RNPEPL1: variants seen among roughly 807,000 people sequenced by gnomAD.
RNPEPL1 encodes the protein aminopeptidase RNPEPL1.
Under a neutral mutation model 69.0 loss-of-function variants are expected in RNPEPL1, and 46 were observed. The observed-to-expected ratio is 0.67, with a 90% confidence interval of 0.53 to 0.85. RNPEPL1 has a LOEUF of 0.85. RNPEPL1 is among the 40% of genes least tolerant of loss of function. RNPEPL1 has a pLI of 0.00. For synonymous variants in RNPEPL1, 525 were observed against 454.1 expected, an observed-to-expected ratio of 1.16 and a Z score of -1.98; for missense variants, 869 against 992.5, an observed-to-expected ratio of 0.88 and a Z score of 1.67.
rs2125449795 is a variant in RNPEPL1, at chr2:240,574,410, A to C, written c.1174+62A>C. ...CCTGGGCACTGGTCCAGGGGCAGAG[A>C]GCCTAGCCTGGCCCCCCTGCCATGC... On this transcript the variant is annotated intron_variant, in intron 5 of 10. Transcript: ENST00000270357. 5.1e-6 allele frequency: 8 copies of C among 1,557,882 alleles called. No individual in the cohort carries two copies. The East Asian group carries it at 1.9e-4, about 36-fold the overall frequency.
intron 1 of RNPEPL1, among the ~76,000 whole-genome samples, chr2:240,569,809 C>T (rs1024022040): frequency 1.3e-5 from 2 of 152,206 alleles, no homozygotes; most frequent in Admixed American, 1.3e-4. Flanking sequence ...ACATGTGACA[C>T]CCGACATATG....
chr2:240,575,552 G>T lies in RNPEPL1; in HGVS notation c.1452G>T (p.Leu484=). 6.2e-7 allele frequency: 1 copy of T among 1,613,556 alleles called. No homozygotes were observed. ...CCAGCGTGGTGGCCCAGGACCTGCT[G>T]GACTCCTTCCTGAGCTTCTTCCCGG... ...KFTSVVAQDL[L]DSFLSFFPEL... The change falls in exon 8 of 11, where the codon CTG becomes CTT. Residue 484 remains leucine, a synonymous_variant. Coordinates refer to ENST00000270357, the MANE Select transcript of RNPEPL1 (RefSeq NM_018226.6).
At chr2:240,570,279 G>A (rs971088970) in intron 1 of RNPEPL1, among the ~76,000 whole-genome samples, 5 of 152,222 alleles carry the variant, frequency 3.3e-5, no homozygotes, top group African/African-American at 1.2e-4. Context: ...GAGCAAGGGT[G>A]GCCATTGTCT....
chr2:240,577,262 C>G (rs2093040473), intron 10 of RNPEPL1, among the ~76,000 whole-genome samples: 1 of 152,200 alleles, frequency 6.6e-6, no homozygotes, highest in African/African-American at 2.4e-5. Flanking sequence ...CTGCTGGGCC[C>G]TGGGCCTTCA....
Position 240,577,892 on chromosome 2 carries a change from G to A in RNPEPL1, c.2178G>A (p.Ter726=). ...TCAGGGACGTCAATGTGTCTGCCTAGCCCTGTTGGCGGGCTGACCCTCGAC... is the reference window on the plus strand; with the variant it reads ...TCAGGGACGTCAATGTGTCTGCCTAACCCTGTTGGCGGGCTGACCCTCGAC... ...ISLRDVNVSA[*] is the part of the protein sequence containing the mutation. The change falls in exon 11 of 11, where the codon TAG becomes TAA. Residue 726 remains the stop codon, a stop_retained_variant. Transcript: ENST00000270357. The A allele has an allele frequency of 2.0e-6, 3 of 1,497,140 alleles. No individual in the cohort carries two copies. Among genetic ancestry groups the A allele is most frequent in the South Asian group, 2.7e-5 (2 of 74,614 alleles). The allele number at this position is 1,497,140 out of a possible 1,614,324, so 92.7% of individuals were successfully genotyped here.
Position 240,576,704 on chromosome 2 carries a change from G to A in RNPEPL1, c.1680G>A (p.Trp560Ter). ...CCAGCGCCATTGACATCTCCAAGTG[G>A]AGGACCTTCCAGACAGCACTCTTCC... ...ASASAIDISK[W>*]RTFQTALFLD... The change falls in exon 9 of 11, where the codon TGG (tryptophan) becomes TGA (stop). Residue 560 changes from tryptophan to a stop codon, truncating the protein, a stop_gained. Transcript: ENST00000270357. LOFTEE classifies it high-confidence loss of function. The A allele has an allele frequency of 6.2e-7, 1 of 1,613,010 alleles. No individual in the cohort carries two copies. The highest frequency in any genetic ancestry group is 8.5e-7 in the Non-Finnish European group (1 of 1,179,984).
chr2:240,577,598 G>C lies in RNPEPL1; in HGVS notation c.1885-1G>C. The stretch of plus-strand genomic sequence containing the variant: ...AGTGTGACCGAGTGCCCCTCCTGCA[G>C]ATGTCACGCATGTACACCATCCCGC... On this transcript the variant is annotated splice_acceptor_variant, in intron 10 of 10. Coordinates refer to ENST00000270357, the MANE Select transcript of RNPEPL1 (RefSeq NM_018226.6). LOFTEE classifies it high-confidence loss of function. The C allele has an allele frequency of 1.3e-6, 2 of 1,560,258 alleles. No homozygotes were observed. Among genetic ancestry groups the C allele is most frequent in the Non-Finnish European group, 1.7e-6 (2 of 1,144,540 alleles).
chr2:240,574,048 T>C, intron 4 of RNPEPL1, 65 bp from the exon 5 acceptor site: 2 of 1,472,510 alleles, frequency 1.4e-6, no homozygotes, highest in Non-Finnish European at 1.9e-6. Flanking sequence ...GAAGGTGGGG[T>C]GCGGGTGTGC....
In RNPEPL1 at chr2:240,572,412, C is replaced by T. The variant is rs779459510; in HGVS notation, c.529-11C>T. ...GGGTGGCCGTCTGCTGATGGGCCATCCTGCCCACAGATCTGGTGGCTGGAC... is the reference window on the plus strand; with the variant it reads ...GGGTGGCCGTCTGCTGATGGGCCATTCTGCCCACAGATCTGGTGGCTGGAC... On this transcript the variant is annotated splice_polypyrimidine_tract_variant and intron_variant, in intron 1 of 10. Transcript: ENST00000270357. The T allele has an allele frequency of 4.6e-6, 7 of 1,535,786 alleles. No individual in the cohort carries two copies. In the South Asian group the frequency reaches 4.8e-5, roughly 10 times the overall value.
At chr2:240,577,521 G>C in intron 10 of RNPEPL1, 78 bp from the exon 11 acceptor site, 1 of 1,461,214 alleles carries the variant, frequency 6.8e-7, no homozygotes, top group Non-Finnish European at 9.2e-7. Context: ...CAGGAGGGCC[G>C]CCTGGCCGGG....
intron 2 of RNPEPL1, 25 bp downstream of exon 2, chr2:240,572,588 C>A: frequency 6.5e-7 from 1 of 1,535,674 alleles, no homozygotes; most frequent in South Asian, 1.2e-5. Context: ...GCTGCCGTCA[C>A]CTTGCTCCCA....
chr2:240,574,463 C>G (rs1463297872), intron 5 of RNPEPL1, 52 bp from the exon 6 acceptor site: 4 of 1,557,940 alleles, frequency 2.6e-6, no homozygotes, highest in Non-Finnish European at 2.6e-6. Context: ...CCTGCTTCCC[C>G]CGACGACCCC....
chr2:240,574,222 G>C lies in RNPEPL1; in HGVS notation c.1048G>C (p.Asp350His), dbSNP rs777443440. ...GGAGAGCGATGAGTTCCTGGTCATC[G>C]ATGTCATCCACGAGGTGGCCCACAG... ...ILESDEFLVI[D>H]VIHEVAHSWF... Residue 350 changes from aspartate to histidine, a missense_variant, in exon 5 of 11, where the codon GAT becomes CAT. Physicochemically the swap from Asp to His is moderately conservative, Grantham distance 81 (BLOSUM62 -1). This residue lies in a region of RNPEPL1 where 610 missense variants were observed against 790.9 expected (regional missense o/e 0.77). Transcript: ENST00000270357. The C allele has an allele frequency of 6.2e-7, 1 of 1,613,352 alleles. No homozygotes were observed. Among genetic ancestry groups the C allele is most frequent in the Admixed American group, 1.7e-5 (1 of 60,006 alleles).
Position 240,574,528 on chromosome 2 carries a change from C to T in RNPEPL1, c.1188C>T (p.Thr396=), listed in dbSNP as rs758950422. The change falls in exon 6 of 11, where the codon ACC becomes ACT. Residue 396 remains threonine, a synonymous_variant. Transcript: ENST00000270357. ...GACCCCATCCAGGTGCTGCCTTCACCTGCCTGGAGACTGCCTTCCGCCTGG... is the reference window on the plus strand; with the variant it reads ...GACCCCATCCAGGTGCTGCCTTCACTTGCCTGGAGACTGCCTTCCGCCTGG... ...ITTETYGAAF[T]CLETAFRLDA... The T allele has an allele frequency of 1.9e-6, 3 of 1,611,748 alleles. No individual in the cohort carries two copies. The highest frequency in any genetic ancestry group is 2.5e-6 in the Non-Finnish European group (3 of 1,179,570).
rs1293331896 is a variant in RNPEPL1 at position 240,568,928 on chromosome 2, G to A, written c.342G>A (p.Ala114=). 2 of 1,320,414 alleles carry A rather than the reference G, an allele frequency of 1.5e-6. No individual in the cohort carries two copies. Among genetic ancestry groups the A allele is most frequent in the Admixed American group, 7.7e-5 (2 of 25,904 alleles). 81.8% of individuals were successfully genotyped at this position (1,320,414 alleles called of 1,614,324 possible). A position where few individuals can be genotyped will look rare whatever the true frequency, so the allele number is the denominator to read the frequency against. Residue 114 remains alanine (A), a synonymous_variant, in exon 1 of 11, where the codon GCG becomes GCA. Coordinates refer to ENST00000270357, the MANE Select transcript of RNPEPL1 (RefSeq NM_018226.6). This position sits in a 1 kb window ranked among gnomAD's most constrained non-coding sequence, Gnocchi z 6.2. ...FAFSAPGPGP[A]PPPPLPAFPE... The stretch of plus-strand genomic sequence containing the variant: ...TCTCCGCCCCCGGGCCGGGGCCCGC[G>A]CCGCCGCCCCCGCTGCCCGCCTTCC...
chr2:240,574,459 TC>T, intron 5 of RNPEPL1, 55 bp from the exon 6 acceptor site: 1 of 1,548,570 alleles, frequency 6.5e-7, no homozygotes, highest in East Asian at 2.3e-5. Context: ...ACCTCCTGCT[TC>T]CCCCGACGAC....
rs906741407 is a variant in RNPEPL1 at position 240,579,334 on chromosome 2, C to T, written c.*1442C>T. ...CCAAATGTCCCACTCACCCTCCTTC[C>T]TGTTCTGGATGCCCCGCCCCTCCCC... On this transcript the variant is annotated 3_prime_UTR_variant, in exon 11 of 11. Transcript: ENST00000270357. 2 of 152,082 alleles carry T rather than the reference C, an allele frequency of 1.3e-5. No individual in the cohort carries two copies. The highest frequency in any genetic ancestry group is 4.8e-5 in the African/African-American group (2 of 41,288). 9.4% of individuals were successfully genotyped at this position (152,082 alleles called of 1,614,324 possible).
At chr2:240,573,679 T>G in intron 3 of RNPEPL1, 96 bp from the exon 4 acceptor site, 1 of 1,042,578 alleles carries the variant, frequency 9.6e-7, no homozygotes, top group Admixed American at 2.6e-5. Flanking sequence ...GGGTGAGGTG[T>G]GGGTGTTACT....
Position 240,576,742 on chromosome 2 carries a change from T to C in RNPEPL1, c.1718T>C (p.Leu573Pro). The part of the protein sequence containing the change: ...FQTALFLDRL[L>P]DGSPLPQEVV... Reference sequence around the variant, plus strand: ...ACAGCACTCTTCCTGGACCGGCTCCTGGATGGGTCCCCGCTGCCGCAGGGT... The same window carrying C: ...ACAGCACTCTTCCTGGACCGGCTCCCGGATGGGTCCCCGCTGCCGCAGGGT... The change falls in exon 9 of 11, where the codon CTG becomes CCG. Residue 573 changes from leucine to proline, a missense_variant. Transcript: ENST00000270357. 1 of 1,612,884 alleles carries C rather than the reference T, an allele frequency of 6.2e-7. No homozygotes were observed. The highest frequency in any genetic ancestry group is 8.5e-7 in the Non-Finnish European group (1 of 1,179,888).
Sources: allele counts gnomAD v4.1 joint callset (sites outside exome capture counted in the v4.1 genomes callset), GRCh38; gene constraint gnomAD v4.1.1; regional missense constraint gnomAD v4.1.1; non-coding constraint Gnocchi (gnomAD v3.1); transcripts MANE v1.5; gene names NCBI Gene and HGNC (gene_info 2026-07-23, HGNC 2026-07-21).